Variants in CKM observed in about 807,000 individuals in gnomAD.
CKM encodes creatine kinase M-type.
In CKM, 28 loss-of-function variants were observed where a neutral mutation model predicts 35.4. The ratio of observed to expected loss-of-function variants is 0.79; its 90% CI spans 0.59 to 1.08. CKM has a LOEUF of 1.08. CKM is among the 50% of genes least tolerant of loss of function. The probability of loss-of-function intolerance (pLI) is 0.00; values close to 1 mark genes in which losing one functional copy is unlikely to be tolerated. For synonymous variants in CKM, 215 were observed against 204.4 expected, an observed-to-expected ratio of 1.05 and a Z score of -0.44; for missense variants, 484 against 509.8, an observed-to-expected ratio of 0.95 and a Z score of 0.49.
chr19:45,315,645 C>G, intron 3 of CKM, 48 bp from the exon 4 acceptor site: 4 of 1,593,540 alleles, frequency 2.5e-6, no homozygotes, highest in Non-Finnish European at 3.4e-6. Flanking sequence ...TCCGCCCTCT[C>G]CAGCAAGCCC....
chr19:45,307,798 T>A (rs912481095), intron 6 of CKM, 148 bp from the exon 7 acceptor site: 2 of 654,562 alleles, frequency 3.1e-6, no homozygotes, highest in Non-Finnish European at 5.4e-6. Context: ...ATTCCGAGGG[T>A]GCTGGCTAGA....
chr19:45,306,993 C>G lies in CKM; in HGVS notation c.968-65G>C. Reference sequence around the variant, plus strand: ...GGTGCAGAGGGGCTGGGACGTGGCCCCCGTGCCAAATGCAACAGCCGCATG... The same window carrying G: ...GGTGCAGAGGGGCTGGGACGTGGCCGCCGTGCCAAATGCAACAGCCGCATG... On this transcript the variant is annotated intron_variant, in intron 7 of 7. Coordinates refer to ENST00000221476, the MANE Select transcript of CKM (RefSeq NM_001824.5). This position sits in a 1 kb window ranked among gnomAD's most constrained non-coding sequence, Gnocchi z 4.5. The G allele has an allele frequency of 6.4e-7, 1 of 1,565,288 alleles. No individual in the cohort carries two copies.
At chr19:45,316,004 ATGT>A (rs1045925923) in intron 3 of CKM, among the ~76,000 whole-genome samples, 9 of 150,954 alleles carry the variant, frequency 6.0e-5, no homozygotes, top group African/African-American at 1.7e-4. Flanking sequence ...ATATGCCACC[ATGT>A]TCGGCTAACT....
At chr19:45,321,496 T>G (rs533222517) in intron 1 of CKM, among the ~76,000 whole-genome samples, 11 of 152,258 alleles carry the variant, frequency 7.2e-5, no homozygotes, top group Admixed American at 5.2e-4. Flanking sequence ...GACCTCTGTC[T>G]CCTGTGAACT....
chr19:45,308,959 G>T (rs188090712), intron 5 of CKM, among the ~76,000 whole-genome samples: 5 of 152,260 alleles, frequency 3.3e-5, no homozygotes, highest in Admixed American at 2.6e-4. Context: ...TGGGTGCGGT[G>T]GCTCACGCCT....
chr19:45,314,134 G>C (rs1481719836), intron 4 of CKM, among the ~76,000 whole-genome samples: 3 of 147,384 alleles, frequency 2.0e-5, no homozygotes, highest in Non-Finnish European at 4.5e-5. Flanking sequence ...AGGAAGGGAG[G>C]GAGGGAAGGA....
chr19:45,312,952 TA>T (rs35930252), intron 4 of CKM, among the ~76,000 whole-genome samples: 136 of 135,928 alleles, frequency 1.0e-3, no homozygotes, highest in Admixed American at 2.6e-3. Context: ...AGATTCTGTC[TA>T]AAAAAAAAAA....
chr19:45,320,068 C>T (rs934138009), intron 1 of CKM, among the ~76,000 whole-genome samples: 4 of 151,152 alleles, frequency 2.6e-5, no homozygotes, highest in African/African-American at 9.7e-5. Context: ...GGATTACAGG[C>T]GTGAGCCACT....
At chr19:45,321,651 G>T (rs1568513624) in intron 1 of CKM, among the ~76,000 whole-genome samples, 1 of 152,030 alleles carries the variant, frequency 6.6e-6, no homozygotes, top group Non-Finnish European at 1.5e-5. Flanking sequence ...CAGAGATGGG[G>T]TCTCACTATG....
At chr19:45,310,914 GCGCCTGCCACGA>G (rs1352025393) in intron 5 of CKM, among the ~76,000 whole-genome samples, 1 of 149,270 alleles carries the variant, frequency 6.7e-6, no homozygotes, top group African/African-American at 2.5e-5. Context: ...GGGACTACAG[GCGCCTGCCACGA>G]CGCCGGGCTA....
Position 45,319,641 on chromosome 19 carries a change from T to C in CKM, c.73A>G (p.Lys25Glu), listed in dbSNP as rs949802543. 1.2e-6 allele frequency: 2 copies of C among 1,614,062 alleles called. No individual in the cohort carries two copies. Among genetic ancestry groups the C allele is most frequent in the African/African-American group, 2.7e-5 (2 of 74,904 alleles). The change falls in exon 2 of 8, where the codon AAA becomes GAA. Residue 25 changes from lysine to glutamate, a missense_variant. Transcript: ENST00000221476. ...KPEEEYPDLS[K>E]HNNHMAKVLT... Reference sequence around the variant, plus strand: ...ACCTTGGCCATGTGGTTGTTATGTTTGCTGAGGTCGGGGTACTCCTCCTCA... The same window carrying C: ...ACCTTGGCCATGTGGTTGTTATGTTCGCTGAGGTCGGGGTACTCCTCCTCA...
At chr19:45,317,157 G>A (rs1277872602) in intron 3 of CKM, among the ~76,000 whole-genome samples, 1 of 151,810 alleles carries the variant, frequency 6.6e-6, no homozygotes, top group Non-Finnish European at 1.5e-5. Flanking sequence ...ACCCAGGCTG[G>A]AGTGCAGTGG....
At chr19:45,308,573 C>A in intron 5 of CKM, 41 bp from the exon 6 acceptor site, 1 of 1,613,606 alleles carries the variant, frequency 6.2e-7, no homozygotes, top group Non-Finnish European at 8.5e-7. Flanking sequence ...GGTGTCAGCC[C>A]CGTGGGAACC....
rs1369518175 is a variant in CKM at position 45,307,554 on chromosome 19, G to A, written c.874C>T (p.Arg292Cys). Reference sequence around the variant, plus strand: ...GCCAGCTTCACATGCACGCCTCCACGCAGCCCAGTGCCCAGGTTGGATGGG... The same window carrying A: ...GCCAGCTTCACATGCACGCCTCCACACAGCCCAGTGCCCAGGTTGGATGGG... ...TCPSNLGTGL[R>C]GGVHVKLAHL... Residue 292 changes from arginine (R) to cysteine (C), a missense_variant, in exon 7 of 8, where the codon CGT (arginine) becomes TGT (cysteine). Arg to Cys is a radical substitution (Grantham distance 180, BLOSUM62 -3). Coordinates refer to ENST00000221476, the MANE Select transcript of CKM (RefSeq NM_001824.5). The A allele has an allele frequency of 3.1e-6, 5 of 1,614,010 alleles. No homozygotes were observed. The highest frequency in any genetic ancestry group is 2.7e-5 in the African/African-American group (2 of 74,930).
chr19:45,308,651 G>A lies in CKM; in HGVS notation c.654-119C>T. The A allele has an allele frequency of 3.0e-6, 4 of 1,317,186 alleles. No individual in the cohort carries two copies. The South Asian group carries it at 4.7e-5, about 16-fold the overall frequency. The allele number at this position is 1,317,186 out of a possible 1,614,324, so 81.6% of individuals were successfully genotyped here. A position where few individuals can be genotyped will look rare whatever the true frequency, so the allele number is the denominator to read the frequency against. ...GAAGAGGGCCTGAGGGGTGGGAGGT[G>A]GGTGGCATCTGCCTCCTCAAAACGC... On this transcript the variant is annotated intron_variant, in intron 5 of 7. Coordinates refer to ENST00000221476, the MANE Select transcript of CKM (RefSeq NM_001824.5).
At position 45,319,587 on chromosome 19, in the gene CKM, G is replaced by C. The variant is rs140651487; in HGVS notation, c.127C>G (p.Arg43Gly). The change falls in exon 2 of 8, where the codon CGG (arginine) becomes GGG (glycine). Residue 43 changes from arginine (R) to glycine (G), a missense_variant. Physicochemically the swap from Arg to Gly is moderately radical, Grantham distance 125. Coordinates refer to ENST00000221476, the MANE Select transcript of CKM (RefSeq NM_001824.5). ...VLTLELYKKL[R>G]DKETPSGFTV... ...AAGCCAGATGGAGTCTCCTTGTCCC[G>C]CAGCTTCTTGTAGAGTTCAAGGGTC... The C allele has an allele frequency of 1.2e-6, 2 of 1,613,914 alleles. No individual in the cohort carries two copies. Among genetic ancestry groups the C allele is most frequent in the African/African-American group, 2.7e-5 (2 of 74,854 alleles).
chr19:45,321,411 G>A (rs965553279), intron 1 of CKM, among the ~76,000 whole-genome samples: 4 of 152,088 alleles, frequency 2.6e-5, no homozygotes, highest in Admixed American at 6.6e-5. Flanking sequence ...CCTCTGGGTC[G>A]TCAGAGGCAG....
chr19:45,322,031 G>T (rs1371936808), intron 1 of CKM, among the ~76,000 whole-genome samples: 1 of 152,092 alleles, frequency 6.6e-6, no homozygotes, highest in African/African-American at 2.4e-5. Flanking sequence ...ACATTCCGGG[G>T]CTCGGCTTGC....
intron 2 of CKM, among the ~76,000 whole-genome samples, 158 bp downstream of exon 2, chr19:45,319,363 C>A (rs1568512799): frequency 6.6e-6 from 1 of 152,130 alleles, no homozygotes. Context: ...CTGTCCCAAG[C>A]CTTTATGTAT....
Sources: gnomAD v4.1 joint callset for allele counts (sites outside exome capture counted in the v4.1 genomes callset) on GRCh38, gnomAD v4.1.1 for gene constraint, Gnocchi (gnomAD v3.1) non-coding constraint, MANE v1.5 for transcripts, NCBI Gene and HGNC (gene_info 2026-07-23, HGNC 2026-07-21) for gene names.